The following USP32 variants were observed in gnomAD, a reference collection of about 807,000 sequenced individuals.
The protein encoded by USP32 is ubiquitin specific peptidase 32, also known as ubiquitin carboxyl-terminal hydrolase 32.
In USP32, 59 loss-of-function variants were observed where a neutral mutation model predicts 204.8. The ratio of observed to expected loss-of-function variants is 0.29; its 90% CI spans 0.23 to 0.36. The LOEUF (loss-of-function observed/expected upper bound fraction) is 0.36, where lower values mean the gene tolerates loss of function less well. Ranked by LOEUF, USP32 falls within the 10% of genes least tolerant of loss-of-function variation. The probability of loss-of-function intolerance (pLI) is 1.00; values close to 1 mark genes in which losing one functional copy is unlikely to be tolerated. For synonymous variants in USP32, 517 were observed against 678.4 expected (o/e 0.76, Z 3.70); for missense variants, 1,160 against 1,946.4 (o/e 0.60, Z 7.60).
chr17:60,308,024 G>A (rs995727978), intron 2 of USP32, among the ~76,000 whole-genome samples: 13 of 152,144 alleles, frequency 8.5e-5, no homozygotes, highest in African/African-American at 3.1e-4. Context: ...AAGTACGGCC[G>A]CTGAGAGGCC....
Position 60,181,847 on chromosome 17 carries a change from C to A in USP32, c.4124-99G>T, listed in dbSNP as rs190546080. 188 of 1,508,108 alleles carry A rather than the reference C, an allele frequency of 1.2e-4. 1 individual carries two copies. The Middle Eastern group carries it at 1.8e-3, about 14-fold the overall frequency. The allele number at this position is 1,508,108 out of a possible 1,614,324, so 93.4% of individuals were successfully genotyped here. On this transcript the variant is annotated intron_variant, in intron 31 of 33. Transcript: ENST00000300896. ...GAGGTTAGCTTCACAACTGTACACA[C>A]AAAGGTAAAGACAGGGCAGTCGTGA...
chr17:60,262,298 G>C (rs2086473704), intron 9 of USP32, among the ~76,000 whole-genome samples: 1 of 152,146 alleles, frequency 6.6e-6, no homozygotes, highest in South Asian at 2.1e-4. Flanking sequence ...TTCAAGCAAA[G>C]CTCCTGCGTC....
At chr17:60,398,985 A>G (rs1302870322) in intron 1 of USP32, among the ~76,000 whole-genome samples, 2 of 152,134 alleles carry the variant, frequency 1.3e-5, no homozygotes. Flanking sequence ...TCTTTAAAAA[A>G]TAAAATAATA....
chr17:60,319,472 A>C (rs1247057377), intron 2 of USP32, among the ~76,000 whole-genome samples: 1 of 152,170 alleles, frequency 6.6e-6, no homozygotes, highest in Non-Finnish European at 1.5e-5. Context: ...TATAATAAAC[A>C]CTTAGATAGA....
At chr17:60,390,712 T>C (rs1440203435) in intron 1 of USP32, among the ~76,000 whole-genome samples, 3 of 152,182 alleles carry the variant, frequency 2.0e-5, no homozygotes, top group African/African-American at 4.8e-5. Flanking sequence ...TCATTTTGAA[T>C]ACCCGTCTTT....
intron 1 of USP32, among the ~76,000 whole-genome samples, chr17:60,401,647 G>A (rs1295294172): frequency 6.6e-6 from 1 of 151,662 alleles, no homozygotes; most frequent in African/African-American, 2.4e-5. Context: ...TTGGGAGGCT[G>A]AGGCAGGTGG....
chr17:60,298,551 T>A (rs1395988683), intron 3 of USP32, among the ~76,000 whole-genome samples: 1 of 152,166 alleles, frequency 6.6e-6, no homozygotes, highest in Non-Finnish European at 1.5e-5. Flanking sequence ...TTGTATTATT[T>A]TTTTTGCTGT....
At chr17:60,357,288 A>C (rs7222648) in intron 1 of USP32, among the ~76,000 whole-genome samples, 24,703 of 151,762 alleles carry the variant, frequency 0.16, 4,530 homozygotes, top group African/African-American at 0.45. Flanking sequence ...CCATCTCTAC[A>C]AAAAATAAAT....
intron 2 of USP32, among the ~76,000 whole-genome samples, chr17:60,319,039 C>T (rs1296315193): frequency 6.6e-6 from 1 of 152,184 alleles, no homozygotes; most frequent in East Asian, 1.9e-4. Context: ...TAATTTGAAT[C>T]GGCAAATTCA....
intron 10 of USP32, among the ~76,000 whole-genome samples, chr17:60,254,557 G>A (rs1461475461): frequency 6.6e-6 from 1 of 152,098 alleles, no homozygotes. Flanking sequence ...AAATTACCCA[G>A]GCGTGGTGGC....
chr17:60,344,904 G>C (rs1158228647), intron 2 of USP32, among the ~76,000 whole-genome samples: 1 of 151,996 alleles, frequency 6.6e-6, no homozygotes, highest in African/African-American at 2.4e-5. Flanking sequence ...GCTTAAGCAA[G>C]CCTCCTATTT....
intron 11 of USP32, chr17:60,249,280 T>C: frequency 6.5e-6 from 1 of 154,362 alleles, no homozygotes; most frequent in Non-Finnish European, 1.4e-5. Context: ...TTTCTGCACA[T>C]GCAAGGCTTC....
exon 1 of USP32, chr17:60,422,386 G>C: frequency 1.5e-6 from 2 of 1,319,892 alleles, no homozygotes; most frequent in Non-Finnish European, 2.0e-6. Flanking sequence ...CCCAGCTGGA[G>C]GGGCCAGCTG....
At chr17:60,395,353 C>T (rs1376568154), upstream of USP32, among the ~76,000 whole-genome samples, 1 of 152,154 alleles carries the variant, frequency 6.6e-6, no homozygotes, top group Non-Finnish European at 1.5e-5. Flanking sequence ...TACTATTTCT[C>T]CTTTGTCTGA....
At chr17:60,220,946 C>G (rs2085231258) in intron 15 of USP32, among the ~76,000 whole-genome samples, 1 of 151,956 alleles carries the variant, frequency 6.6e-6, no homozygotes, top group African/African-American at 2.4e-5. Flanking sequence ...CCGCGCCCAG[C>G]CAACACTGAA....
intron 1 of USP32, chr17:60,421,873 T>G: frequency 1.0e-6 from 1 of 985,426 alleles, no homozygotes; most frequent in Non-Finnish European, 1.2e-6. Context: ...GCGACGGGAC[T>G]TGCCCGCGTC....
chr17:60,385,144 A>G (rs1160942006), intron 1 of USP32, among the ~76,000 whole-genome samples: 1 of 152,168 alleles, frequency 6.6e-6, no homozygotes, highest in Non-Finnish European at 1.5e-5. Context: ...TAACTGAGCG[A>G]TTAACTTTGT....
At chr17:60,210,426 C>G (rs1047764332) in intron 21 of USP32, among the ~76,000 whole-genome samples, 10 of 152,070 alleles carry the variant, frequency 6.6e-5, no homozygotes, top group Non-Finnish European at 1.2e-4. Context: ...TTTCTCGTGC[C>G]TCAGCCTCCC....
intron 12 of USP32, among the ~76,000 whole-genome samples, chr17:60,226,989 G>T (rs2085408170): frequency 7.3e-6 from 1 of 136,704 alleles, no homozygotes; most frequent in Non-Finnish European, 1.5e-5. Flanking sequence ...AGTAAGCTGA[G>T]ATTGCGCCAC....
Sources: allele counts gnomAD v4.1 joint callset (sites outside exome capture counted in the v4.1 genomes callset), GRCh38; gene constraint gnomAD v4.1.1; transcripts MANE v1.5; gene names NCBI Gene and HGNC (gene_info 2026-07-23, HGNC 2026-07-21).